The following WARS2 variants were observed in gnomAD, a reference collection of about 807,000 sequenced individuals.
WARS2 encodes the protein tryptophanyl tRNA synthetase 2, mitochondrial.
Under a neutral mutation model 36.5 loss-of-function variants are expected in WARS2, and 28 were observed. The ratio of observed to expected loss-of-function variants is 0.77; its 90% CI spans 0.57 to 1.05. WARS2 has a LOEUF of 1.05. Ranked by LOEUF, WARS2 falls within the 50% of genes least tolerant of loss-of-function variation. The pLI is 0.00. For synonymous variants in WARS2, 174 were observed against 178.4 expected (o/e 0.98, Z 0.20); for missense variants, 435 against 456.8 (o/e 0.95, Z 0.44).
chr1:119,123,540 T>A (rs887685872), intron 1 of WARS2, among the ~76,000 whole-genome samples: 1 of 151,908 alleles, frequency 6.6e-6, no homozygotes, highest in African/African-American at 2.4e-5. Context: ...ATAAGATATG[T>A]GTGTGTCAGG....
intron 1 of WARS2, among the ~76,000 whole-genome samples, chr1:119,107,409 T>C (rs1413060607): frequency 2.0e-5 from 3 of 152,128 alleles, no homozygotes; most frequent in East Asian, 3.8e-4. Flanking sequence ...GTTTATAGTT[T>C]TGCATTTTAC....
intron 1 of WARS2, among the ~76,000 whole-genome samples, chr1:119,129,501 G>A (rs1655935813): frequency 6.6e-6 from 1 of 152,128 alleles, no homozygotes. Flanking sequence ...TTGAGCCCAG[G>A]AGTTCGAGAT....
intron 2 of WARS2, among the ~76,000 whole-genome samples, chr1:119,066,147 ACT>A (rs1650827753): frequency 6.6e-6 from 1 of 152,034 alleles, no homozygotes; most frequent in Non-Finnish European, 1.5e-5. Context: ...AAAAAACAAA[ACT>A]CTGTACAACA....
chr1:119,071,919 G>T (rs1366583812), intron 2 of WARS2, among the ~76,000 whole-genome samples: 2 of 151,864 alleles, frequency 1.3e-5, no homozygotes, highest in Non-Finnish European at 2.9e-5. Flanking sequence ...ATTTTTATTT[G>T]TCAATTTAAA....
At chr1:119,059,364 A>C (rs1333577793) in intron 2 of WARS2, among the ~76,000 whole-genome samples, 1 of 151,952 alleles carries the variant, frequency 6.6e-6, no homozygotes, top group Non-Finnish European at 1.5e-5. Flanking sequence ...GGTGTTTTAG[A>C]CATGAAGTCC....
intron 1 of WARS2, among the ~76,000 whole-genome samples, chr1:119,081,582 A>G (rs1449095026): frequency 6.6e-6 from 1 of 152,256 alleles, no homozygotes; most frequent in Non-Finnish European, 1.5e-5. Context: ...GTAATAAAAA[A>G]GTATTCAATA....
intron 2 of WARS2, among the ~76,000 whole-genome samples, chr1:119,075,586 T>C (rs1351996701): frequency 6.6e-6 from 1 of 152,254 alleles, no homozygotes; most frequent in East Asian, 1.9e-4. Flanking sequence ...TATACATGCA[T>C]GTTAACATGT....
intron 2 of WARS2, among the ~76,000 whole-genome samples, chr1:119,055,928 C>T (rs1435590216): frequency 2.0e-5 from 3 of 150,984 alleles, no homozygotes; most frequent in Non-Finnish European, 4.4e-5. Flanking sequence ...TATTAGTTTA[C>T]GGAATAAAAC....
chr1:119,045,039 C>T (rs957708852), intron 3 of WARS2, among the ~76,000 whole-genome samples: 2 of 152,010 alleles, frequency 1.3e-5, no homozygotes, highest in Non-Finnish European at 2.9e-5. Context: ...TGGGGTTATC[C>T]GACTGCAAAA....
intron 1 of WARS2, among the ~76,000 whole-genome samples, chr1:119,097,508 T>C (rs145375843): frequency 6.6e-6 from 1 of 152,342 alleles, no homozygotes; most frequent in Non-Finnish European, 1.5e-5. Flanking sequence ...AATCCCTTTC[T>C]TGACCTAACA....
intron 5 of WARS2, 181 bp from the exon 6 acceptor site, chr1:119,033,540 TTC>T (rs1424409190): frequency 2.8e-6 from 2 of 717,736 alleles, no homozygotes; most frequent in Non-Finnish European, 4.6e-6. Flanking sequence ...CACACAACCA[TTC>T]TGTTTTTCAC....
chr1:119,102,931 C>T (rs1256389172), intron 1 of WARS2, among the ~76,000 whole-genome samples: 2 of 152,146 alleles, frequency 1.3e-5, no homozygotes, highest in African/African-American at 2.4e-5. Context: ...AGCTACACTG[C>T]GTTGTTTGTA....
At chr1:119,130,786 T>C (rs1419265382) in intron 1 of WARS2, among the ~76,000 whole-genome samples, 1 of 152,184 alleles carries the variant, frequency 6.6e-6, no homozygotes, top group Non-Finnish European at 1.5e-5. Context: ...TGCCAAAGAT[T>C]TAAGAATTAA....
At chr1:119,034,326 T>C (rs1371849986) in intron 4 of WARS2, 113 bp from the exon 5 acceptor site, 2 of 862,358 alleles carry the variant, frequency 2.3e-6, no homozygotes, top group Non-Finnish European at 3.8e-6. Context: ...ATTCAACAAA[T>C]GTTCACCAAC....
chr1:119,127,082 A>C (rs1025067941), intron 1 of WARS2: 5 of 755,064 alleles, frequency 6.6e-6, no homozygotes, highest in Non-Finnish European at 9.6e-6. Context: ...AATCAGTAAG[A>C]CTCACTTCAA....
rs1376745156 is a variant in WARS2, at chr1:119,076,484, T to C, written c.214A>G (p.Ser72Gly). 4 of 1,614,052 alleles carry C rather than the reference T, an allele frequency of 2.5e-6. No homozygotes were observed. Among genetic ancestry groups the C allele is most frequent in the Non-Finnish European group, 3.4e-6 (4 of 1,180,026 alleles). Residue 72 changes from serine to glycine, a missense_variant, in exon 2 of 6, where the codon AGC (serine) becomes GGC (glycine). Physicochemically the swap from Ser to Gly is moderately conservative, Grantham distance 56 (BLOSUM62 0). Coordinates refer to ENST00000235521, the MANE Select transcript of WARS2 (RefSeq NM_015836.4). ...LQDEYDSVLY[S>G]IVDLHSITVP... Reference sequence around the variant, plus strand: ...GTAATGGAGTGGAGGTCAACAATGCTGTATAATACAGAGTCATATTCATCC... The same window carrying C: ...GTAATGGAGTGGAGGTCAACAATGCCGTATAATACAGAGTCATATTCATCC...
At chr1:119,077,256 T>G (rs1034111374) in intron 1 of WARS2, among the ~76,000 whole-genome samples, 1 of 152,118 alleles carries the variant, frequency 6.6e-6, no homozygotes, top group Non-Finnish European at 1.5e-5. Flanking sequence ...ATGACCAGTT[T>G]GGAATGATAC....
chr1:119,057,991 T>C (rs1039089513), intron 2 of WARS2, among the ~76,000 whole-genome samples: 1 of 152,150 alleles, frequency 6.6e-6, no homozygotes, highest in Non-Finnish European at 1.5e-5. Flanking sequence ...TAGTTTCTCT[T>C]ATATTAAGTG....
chr1:119,140,670 T>C, upstream of WARS2: 1 of 1,604,226 alleles, frequency 6.2e-7, no homozygotes, highest in Non-Finnish European at 8.5e-7. Context: ...GCCGTCTTGT[T>C]TGGAATGACG....
Sources: gnomAD v4.1 joint callset for allele counts (sites outside exome capture counted in the v4.1 genomes callset) on GRCh38, gnomAD v4.1.1 for gene constraint, MANE v1.5 for transcripts, NCBI Gene and HGNC (gene_info 2026-07-23, HGNC 2026-07-21) for gene names.